The following EFCAB6 variants were observed in gnomAD, a reference collection of about 807,000 sequenced individuals.
EFCAB6 encodes EF-hand calcium-binding domain-containing protein 6.
In EFCAB6, 156 loss-of-function variants were observed where a neutral mutation model predicts 169.8. The observed-to-expected ratio is 0.92, with a 90% CI of 0.81 to 1.05. EFCAB6 has a LOEUF of 1.05. Among genes scored for constraint, EFCAB6 ranks in the 50% least tolerant of loss-of-function variants. EFCAB6 has a pLI of 0.00. For synonymous variants in EFCAB6, 698 were observed against 676.4 expected (o/e 1.03, Z -0.50); for missense variants, 1,800 against 1,829.1 (o/e 0.98, Z 0.29).
At chr22:43,575,875 A>G (rs763061985) in intron 26 of EFCAB6, among the ~76,000 whole-genome samples, 8 of 152,194 alleles carry the variant, frequency 5.3e-5, no homozygotes, top group Non-Finnish European at 8.8e-5. Context: ...ACATGTTAAT[A>G]TATATACAAA....
intron 26 of EFCAB6, among the ~76,000 whole-genome samples, chr22:43,569,430 G>T (rs1376910520): frequency 6.6e-6 from 1 of 152,210 alleles, no homozygotes; most frequent in Non-Finnish European, 1.5e-5. Context: ...TGTAGTCACA[G>T]ATGCTCTACA....
intron 22 of EFCAB6, among the ~76,000 whole-genome samples, chr22:43,607,073 C>G (rs1019657135): frequency 1.3e-5 from 2 of 152,178 alleles, no homozygotes; most frequent in African/African-American, 4.8e-5. Context: ...CACCCCACAA[C>G]CACACTCAAA....
At position 43,686,952 on chromosome 22, in the gene EFCAB6, T is replaced by A. The variant is rs535753932; in HGVS notation, c.1142+519A>T. 3.3e-5 allele frequency among the ~76,000 whole-genome samples: 5 copies of A among 152,260 alleles called. No individual in the cohort carries two copies. The East Asian group carries it at 9.6e-4, about 29-fold the overall frequency. ...ATCACAAGATATTTGGTATTGCAAA[T>A]CTGAGGTTATAATAGATATTAAAAC... On this transcript the variant is annotated intron_variant, in intron 11 of 31. Coordinates refer to ENST00000262726, the MANE Select transcript of EFCAB6 (RefSeq NM_022785.4).
At chr22:43,625,048 T>C (rs1291088046) in intron 20 of EFCAB6, among the ~76,000 whole-genome samples, 1 of 152,248 alleles carries the variant, frequency 6.6e-6, no homozygotes, top group East Asian at 1.9e-4. Flanking sequence ...ACATGTTAGA[T>C]GATCATTTTG....
intron 10 of EFCAB6, among the ~76,000 whole-genome samples, chr22:43,696,429 C>A (rs2058578477): frequency 6.6e-6 from 1 of 152,064 alleles, no homozygotes; most frequent in African/African-American, 2.4e-5. Flanking sequence ...TGCAATCCAC[C>A]AATTTTACTA....
intron 24 of EFCAB6, among the ~76,000 whole-genome samples, chr22:43,585,856 G>C (rs1182593968): frequency 1.3e-5 from 2 of 152,122 alleles, no homozygotes; most frequent in Admixed American, 6.5e-5. Flanking sequence ...CAAGAGGAGA[G>C]TGGACTGAAA....
chr22:43,581,081 A>G (rs1213156939), intron 24 of EFCAB6, among the ~76,000 whole-genome samples: 1 of 152,208 alleles, frequency 6.6e-6, no homozygotes, highest in East Asian at 1.9e-4. Flanking sequence ...TAAATCTGAC[A>G]GCGGCTCAAA....
At chr22:43,726,714 T>C (rs2059752219) in intron 8 of EFCAB6, among the ~76,000 whole-genome samples, 1 of 152,178 alleles carries the variant, frequency 6.6e-6, no homozygotes, top group African/African-American at 2.4e-5. Context: ...CCAACATCTG[T>C]GAATAAACTT....
intron 24 of EFCAB6, among the ~76,000 whole-genome samples, chr22:43,587,027 G>T (rs946142755): frequency 2.0e-5 from 3 of 152,192 alleles, no homozygotes; most frequent in African/African-American, 7.2e-5. Flanking sequence ...GTGGAAGAGA[G>T]AAAATCTGAT....
At position 43,540,220 on chromosome 22, in the gene EFCAB6, G is replaced by A; in HGVS notation, c.3786C>T (p.Ser1262=). ...TGCCTTCCGAGACGTCAGGGACACTGCTCCCTCTCTGGGCCACGGCCGAGT... is the reference window on the plus strand; with the variant it reads ...TGCCTTCCGAGACGTCAGGGACACTACTCCCTCTCTGGGCCACGGCCGAGT... ...TGDSAVAQRG[S]SVPDVSEGTR... is the part of the protein sequence containing the mutation. Residue 1262 remains serine (S), a synonymous_variant, in exon 28 of 32, where the codon AGC becomes AGT. Coordinates refer to ENST00000262726, the MANE Select transcript of EFCAB6 (RefSeq NM_022785.4). 6.2e-7 allele frequency: 1 copy of A among 1,614,230 alleles called. No homozygotes were observed. Among genetic ancestry groups the A allele is most frequent in the Non-Finnish European group, 8.5e-7 (1 of 1,180,050 alleles).
chr22:43,718,063 C>CCCACCCAT (rs2059396143), intron 8 of EFCAB6, among the ~76,000 whole-genome samples: 1 of 131,914 alleles, frequency 7.6e-6, no homozygotes, highest in Non-Finnish European at 1.7e-5. Context: ...CATCCATCCA[C>CCCACCCAT]CCATCCATCC....
At chr22:43,672,457 C>A (rs1352616773) in intron 13 of EFCAB6, 152 bp from the exon 14 acceptor site, 4 of 698,380 alleles carry the variant, frequency 5.7e-6, no homozygotes, top group East Asian at 5.4e-5. Flanking sequence ...CCCTCTAATA[C>A]CCATCTGAAA....
chr22:43,656,264 C>T (rs1263003720), intron 17 of EFCAB6, among the ~76,000 whole-genome samples: 1 of 152,066 alleles, frequency 6.6e-6, no homozygotes, highest in African/African-American at 2.4e-5. Flanking sequence ...GTGGTGTATG[C>T]CTGTAATCCC....
chr22:43,661,328 G>A (rs1284992111), intron 17 of EFCAB6, among the ~76,000 whole-genome samples: 1 of 152,148 alleles, frequency 6.6e-6, no homozygotes. Flanking sequence ...CAGTGAGCAT[G>A]ATCGCACCAT....
intron 2 of EFCAB6, among the ~76,000 whole-genome samples, chr22:43,805,751 T>C (rs2062894891): frequency 6.6e-6 from 1 of 152,200 alleles, no homozygotes; most frequent in Non-Finnish European, 1.5e-5. Context: ...AGGTGATGGA[T>C]ATCCCAAGTA....
At chr22:43,654,851 G>A (rs2066440016) in intron 17 of EFCAB6, among the ~76,000 whole-genome samples, 1 of 152,208 alleles carries the variant, frequency 6.6e-6, no homozygotes, top group Non-Finnish European at 1.5e-5. Context: ...ATTTAAAAAT[G>A]AGTCCAGGTG....
chr22:43,579,661 T>C (rs1206714944), intron 25 of EFCAB6, among the ~76,000 whole-genome samples: 1 of 150,642 alleles, frequency 6.6e-6, no homozygotes, highest in African/African-American at 2.5e-5. Context: ...CATCATTCCG[T>C]ACACGTAGGC....
intron 27 of EFCAB6, among the ~76,000 whole-genome samples, chr22:43,545,886 G>A (rs148136794): frequency 1.3e-5 from 2 of 152,204 alleles, no homozygotes; most frequent in African/African-American, 4.8e-5. Flanking sequence ...AGGCCCCTCA[G>A]GATTTCCCCC....
intron 21 of EFCAB6, among the ~76,000 whole-genome samples, chr22:43,614,590 C>A (rs1229186972): frequency 6.6e-6 from 1 of 152,200 alleles, no homozygotes; most frequent in Non-Finnish European, 1.5e-5. Context: ...TAGATACAAT[C>A]CATGAAAGGT....
Sources: gnomAD v4.1 joint callset for allele counts (sites outside exome capture counted in the v4.1 genomes callset) on GRCh38, gnomAD v4.1.1 for gene constraint, MANE v1.5 for transcripts, NCBI Gene and HGNC (gene_info 2026-07-23, HGNC 2026-07-21) for gene names.